Variants in STIM1 observed in about 807,000 individuals in gnomAD.
STIM1 encodes stromal interaction molecule 1.
A neutral mutation model predicts 74.7 loss-of-function variants in STIM1; 25 were observed. That is an observed-to-expected ratio of 0.33 (90% CI 0.24 to 0.47). The LOEUF is 0.47. Ranked by LOEUF, STIM1 falls within the 20% of genes least tolerant of loss-of-function variation. STIM1 has a pLI of 1.00. For missense variants in STIM1, 728 were observed against 920.8 expected, an observed-to-expected ratio of 0.79 and a Z score of 2.71; for synonymous variants, 328 against 348.8, an observed-to-expected ratio of 0.94 and a Z score of 0.66.
intron 2 of STIM1, among the ~76,000 whole-genome samples, chr11:4,015,571 C>T (rs534638467): frequency 2.0e-5 from 3 of 152,174 alleles, no homozygotes; most frequent in East Asian, 3.9e-4. Context: ...TGTGTATTTC[C>T]TGAATTTGAA....
Position 4,091,941 on chromosome 11 carries a change from GC to G in STIM1, c.*148del, listed in dbSNP as rs2094527715. The G allele has an allele frequency of 9.0e-7, 1 of 1,109,228 alleles. No individual in the cohort carries two copies. Among genetic ancestry groups the G allele is most frequent in the South Asian group, 1.3e-5 (1 of 74,102 alleles). The allele number at this position is 1,109,228 out of a possible 1,614,324, so 68.7% of individuals were successfully genotyped here. A position where few individuals can be genotyped will look rare whatever the true frequency, so the allele number is the denominator to read the frequency against. On this transcript the variant is annotated 3_prime_UTR_variant, in exon 13 of 13. Transcript: ENST00000526596. ...AGGGGTCTGGGCACTGTACATACCT[GC>G]CCCCTCATCCTTGGGTCCTTCATTA...
chr11:3,861,660 A>G (rs1485974295), intron 1 of STIM1, among the ~76,000 whole-genome samples: 1 of 152,242 alleles, frequency 6.6e-6, no homozygotes, highest in East Asian at 1.9e-4. Flanking sequence ...GTTATTGCTA[A>G]TATTATTGTG....
chr11:3,906,688 T>C (rs1223726117), intron 1 of STIM1, among the ~76,000 whole-genome samples: 1 of 152,216 alleles, frequency 6.6e-6, no homozygotes, highest in Non-Finnish European at 1.5e-5. Flanking sequence ...AGAAATACTA[T>C]GGTCCCTTAG....
At chr11:3,982,314 G>C (rs1590621667) in intron 2 of STIM1, among the ~76,000 whole-genome samples, 1 of 152,132 alleles carries the variant, frequency 6.6e-6, no homozygotes, top group African/African-American at 2.4e-5. Flanking sequence ...GTAAACATGA[G>C]CCAACGCACC....
At chr11:4,034,379 A>G (rs772921545) in intron 3 of STIM1, among the ~76,000 whole-genome samples, 19 of 152,058 alleles carry the variant, frequency 1.2e-4, no homozygotes, top group Non-Finnish European at 2.1e-4. Context: ...TTCTGTGTCT[A>G]TTGAGATGAT....
Position 4,082,711 on chromosome 11 carries a change from C to G in STIM1, c.1138-171C>G, listed in dbSNP as rs927654040. On this transcript the variant is annotated intron_variant, in intron 8 of 12. Coordinates refer to ENST00000526596, the MANE Select transcript of STIM1 (RefSeq NM_001382567.1). ...CTCGCTTTCTCTATTTTGTCCCCCT[C>G]CTTTTTCTTCTACCTTGCCTGCCTT... Among the ~76,000 whole-genome samples the G allele has an allele frequency of 2.6e-5, 4 of 152,314 alleles. No homozygotes were observed. In the East Asian group the frequency reaches 7.7e-4, roughly 29 times the overall value.
At chr11:3,895,699 T>TTTCC (rs1565105061) in intron 1 of STIM1, among the ~76,000 whole-genome samples, 5 of 32,112 alleles carry the variant, frequency 1.6e-4, no homozygotes, top group Non-Finnish European at 2.2e-4. Context: ...TCTTTCTTTC[T>TTTCC]TTCTTTCTTT....
At chr11:4,079,984 A>G (rs921414439) in intron 7 of STIM1, among the ~76,000 whole-genome samples, 1 of 152,060 alleles carries the variant, frequency 6.6e-6, no homozygotes, top group Non-Finnish European at 1.5e-5. Flanking sequence ...TTGGGAGGCA[A>G]AGGGCAGGCA....
intron 1 of STIM1, chr11:3,921,892 A>G (rs1319082013): frequency 6.6e-6 from 1 of 152,216 alleles, no homozygotes; most frequent in African/African-American, 2.4e-5. Context: ...GACAACAATC[A>G]GCATGGACTT....
chr11:3,912,283 C>T (rs1401182857), intron 1 of STIM1, among the ~76,000 whole-genome samples: 1 of 145,932 alleles, frequency 6.9e-6, no homozygotes, highest in Non-Finnish European at 1.5e-5. Flanking sequence ...CTCTTCCCCT[C>T]TCTTCTCTCT....
chr11:3,866,057 T>C (rs888240488), intron 1 of STIM1, among the ~76,000 whole-genome samples: 1 of 152,208 alleles, frequency 6.6e-6, no homozygotes, highest in African/African-American at 2.4e-5. Flanking sequence ...CTAAAATTTC[T>C]GTATGGGTGG....
At chr11:3,905,090 G>T (rs1050615893) in intron 1 of STIM1, among the ~76,000 whole-genome samples, 1 of 152,084 alleles carries the variant, frequency 6.6e-6, no homozygotes, top group Non-Finnish European at 1.5e-5. Context: ...TACTGTCTGG[G>T]AAGCCAGGAA....
At chr11:3,990,248 C>CT (rs1221710769) in intron 2 of STIM1, among the ~76,000 whole-genome samples, 2 of 152,266 alleles carry the variant, frequency 1.3e-5, no homozygotes, top group Non-Finnish European at 2.9e-5. Flanking sequence ...TATATCTGTA[C>CT]TTTATTTCTT....
At chr11:4,026,244 A>G (rs1191988399) in intron 3 of STIM1, among the ~76,000 whole-genome samples, 1 of 152,156 alleles carries the variant, frequency 6.6e-6, no homozygotes, top group Non-Finnish European at 1.5e-5. Context: ...TTTTCTGACT[A>G]ATGTTGGGAG....
intron 12 of STIM1, among the ~76,000 whole-genome samples, chr11:4,090,915 C>T (rs1344203299): frequency 1.3e-5 from 2 of 149,512 alleles, no homozygotes; most frequent in African/African-American, 2.5e-5. Flanking sequence ...TTATCTGTTT[C>T]TTCCCTCCCT....
intron 4 of STIM1, chr11:4,058,874 C>A: frequency 9.5e-7 from 1 of 1,052,724 alleles, no homozygotes; most frequent in East Asian, 7.4e-5. Flanking sequence ...TCATAAATCC[C>A]AGAATCACTG....
intron 1 of STIM1, among the ~76,000 whole-genome samples, chr11:3,953,614 C>A: frequency 6.6e-6 from 1 of 152,142 alleles, no homozygotes; most frequent in African/African-American, 2.4e-5. Flanking sequence ...TTTATGGCCT[C>A]AATTTTCTTC....
rs556104060 is a variant in STIM1, at chr11:4,000,436, G to A, written c.271-23437G>A. Among the ~76,000 whole-genome samples the A allele has an allele frequency of 5.9e-5, 9 of 152,042 alleles. No homozygotes were observed. The East Asian group carries it at 1.2e-3, about 20-fold the overall frequency. ...CAGCATTCGCGGATCATGAAAATCC[G>A]TGGTTCTGCAGACACCGCTGCTGAT... On this transcript the variant is annotated intron_variant, in intron 2 of 12. Transcript: ENST00000526596.
chr11:3,928,250 G>C (rs1026805116), intron 1 of STIM1, among the ~76,000 whole-genome samples: 32 of 146,194 alleles, frequency 2.2e-4, no homozygotes, highest in African/African-American at 8.1e-4. Context: ...TTTTGAGACA[G>C]AGTCTCACTT....
Sources: allele counts gnomAD v4.1 joint callset (sites outside exome capture counted in the v4.1 genomes callset), GRCh38; gene constraint gnomAD v4.1.1; transcripts MANE v1.5; gene names NCBI Gene and HGNC (gene_info 2026-07-23, HGNC 2026-07-21).